DNAH12: variants seen among roughly 807,000 people sequenced by gnomAD.
The protein encoded by DNAH12 is dynein axonemal heavy chain 12.
Under a neutral mutation model 371.5 loss-of-function variants are expected in DNAH12, and 285 were observed. The ratio of observed to expected loss-of-function variants is 0.77; its 90% CI spans 0.70 to 0.85. The LOEUF is 0.85. Ranked by LOEUF, DNAH12 falls within the 40% of genes least tolerant of loss-of-function variation. The pLI is 0.00. For synonymous variants in DNAH12, 1,200 were observed against 1,213.0 expected (o/e 0.99, Z 0.22); for missense variants, 3,611 against 3,689.4 (o/e 0.98, Z 0.55).
chr3:57,314,487 A>G lies in DNAH12; in HGVS notation c.10662+7T>C, dbSNP rs1215281158. 6.4e-7 allele frequency: 1 copy of G among 1,550,912 alleles called. No homozygotes were observed. The highest frequency in any genetic ancestry group is 8.7e-7 in the Non-Finnish European group (1 of 1,146,786). ...CTTCATGAATGTTAATTTCTTGTTA[A>G]TTTTACCTGCAGTTGTCGGATACTG... On this transcript the variant is annotated splice_region_variant and intron_variant, in intron 66 of 73. Coordinates refer to ENST00000495027, the MANE Select transcript of DNAH12 (RefSeq NM_001366028.2).
At chr3:57,496,443 C>T (rs2067326384) in intron 11 of DNAH12, among the ~76,000 whole-genome samples, 1 of 151,800 alleles carries the variant, frequency 6.6e-6, no homozygotes, top group Non-Finnish European at 1.5e-5. Context: ...AAATATATGC[C>T]AAAAAATACT....
intron 71 of DNAH12, 40 bp from the exon 72 acceptor site, chr3:57,296,475 A>G (rs1357152680): frequency 2.1e-6 from 3 of 1,438,256 alleles, no homozygotes; most frequent in Middle Eastern, 1.7e-4. Context: ...TCCTCTCCAG[A>G]CAACTTCATC....
At chr3:57,389,822 G>GTGTATATA (rs1326306277) in intron 45 of DNAH12, among the ~76,000 whole-genome samples, 3 of 45,816 alleles carry the variant, frequency 6.5e-5, no homozygotes, top group Non-Finnish European at 2.1e-4. Flanking sequence ...GTGTGTGTGT[G>GTGTATATA]TATATATATA....
rs1378791588 is a variant in DNAH12 at position 57,431,258 on chromosome 3, T to TC, written c.4981-1485dup. ...CACTCAACAGTACTCAGTGATTCCC[T>TC]CCTCAATAGCTAAAGTCCTTGGGAC... is the stretch of plus-strand genomic sequence containing the variant. On this transcript the variant is annotated intron_variant, in intron 32 of 73. Transcript: ENST00000495027. Among the ~76,000 whole-genome samples, 32 of 152,190 alleles carry TC rather than the reference T, an allele frequency of 2.1e-4. 1 individual carries two copies. The highest frequency in any genetic ancestry group is 7.2e-4 in the African/African-American group (30 of 41,524).
rs376210458 is a variant in DNAH12, at chr3:57,403,604, G to C, written c.6756-103C>G. On this transcript the variant is annotated intron_variant, in intron 42 of 73. Coordinates refer to ENST00000495027, the MANE Select transcript of DNAH12 (RefSeq NM_001366028.2). ...TTTCCTAGAAGAATGTGACTCTGCT[G>C]TCCCATATGTTACTATCCCAATTTT... The C allele has an allele frequency of 6.2e-5, 68 of 1,095,390 alleles. No individual in the cohort carries two copies. In the East Asian group the frequency reaches 1.3e-3, roughly 21 times the overall value. 67.9% of individuals were successfully genotyped at this position (1,095,390 alleles called of 1,614,324 possible).
chr3:57,373,708 C>T (rs1400569323), intron 55 of DNAH12, among the ~76,000 whole-genome samples: 10 of 152,078 alleles, frequency 6.6e-5, no homozygotes, highest in African/African-American at 9.7e-5. Flanking sequence ...CAGAATTAAC[C>T]GACTCAAGGG....
chr3:57,413,652 C>T, intron 39 of DNAH12, 94 bp downstream of exon 39: 1 of 1,338,516 alleles, frequency 7.5e-7, no homozygotes. Context: ...ATTCTTTTCC[C>T]TAAATATCTT....
intron 65 of DNAH12, among the ~76,000 whole-genome samples, chr3:57,316,126 C>G (rs1345099624): frequency 7.4e-6 from 1 of 135,366 alleles, no homozygotes; most frequent in African/African-American, 3.0e-5. Flanking sequence ...AAAAATAACC[C>G]CTTCCCCTTT....
chr3:57,473,417 TG>T (rs957788785), intron 13 of DNAH12, among the ~76,000 whole-genome samples: 6 of 150,676 alleles, frequency 4.0e-5, no homozygotes, highest in African/African-American at 1.5e-4. Context: ...ACCCAGGAGG[TG>T]GAGGTTGCAG....
At chr3:57,423,832 G>C (rs2064670930) in intron 35 of DNAH12, among the ~76,000 whole-genome samples, 1 of 150,616 alleles carries the variant, frequency 6.6e-6, no homozygotes, top group Non-Finnish European at 1.5e-5. Context: ...ATTTTTTTTT[G>C]AGATGGAGCA....
At chr3:57,386,106 T>C (rs2063495303) in intron 47 of DNAH12, among the ~76,000 whole-genome samples, 1 of 152,144 alleles carries the variant, frequency 6.6e-6, no homozygotes, top group Non-Finnish European at 1.5e-5. Flanking sequence ...ACCACAAATC[T>C]TATATTTAAC....
At chr3:57,373,228 A>G (rs2063212281) in intron 55 of DNAH12, among the ~76,000 whole-genome samples, 1 of 152,060 alleles carries the variant, frequency 6.6e-6, no homozygotes, top group Non-Finnish European at 1.5e-5. Flanking sequence ...CCTAAGGTGA[A>G]TATTTGTCCC....
At chr3:57,360,699 CAACA>C (rs1423390672) in intron 58 of DNAH12, among the ~76,000 whole-genome samples, 45 of 152,086 alleles carry the variant, frequency 3.0e-4, no homozygotes, top group African/African-American at 1.1e-3. Flanking sequence ...ACAACAACAA[CAACA>C]ACAACAAGTC....
In DNAH12 at chr3:57,501,713, C is replaced by T. The variant is rs114489331; in HGVS notation, c.1244-301G>A. Among the ~76,000 whole-genome samples the T allele has an allele frequency of 7.0e-3, 1,068 of 152,244 alleles. 14 individuals are homozygous for T. The highest frequency in any genetic ancestry group is 0.024 in the African/African-American group (996 of 41,538). ...GAATGTCAAAGAATAACCATACATC[C>T]TGACCTCACACACACTTGAGAAGAC... On this transcript the variant is annotated intron_variant, in intron 10 of 73. Coordinates refer to ENST00000495027, the MANE Select transcript of DNAH12 (RefSeq NM_001366028.2).
chr3:57,421,534 T>C lies in DNAH12; in HGVS notation c.5546A>G (p.Tyr1849Cys). The C allele has an allele frequency of 1.3e-6, 2 of 1,551,646 alleles. No individual in the cohort carries two copies. The highest frequency in any genetic ancestry group is 1.4e-5 in the African/African-American group (1 of 73,158). The change falls in exon 36 of 74, where the codon TAT (tyrosine) becomes TGT (cysteine). Residue 1849 changes from tyrosine (Y) to cysteine (C), a missense_variant. Coordinates refer to ENST00000495027, the MANE Select transcript of DNAH12 (RefSeq NM_001366028.2). Reference sequence around the variant, plus strand: ...ATGTCATACCTCATACATGTAGTCATAGACCAGGCCTTTTTCATCAAATGG... The same window carrying C: ...ATGTCATACCTCATACATGTAGTCACAGACCAGGCCTTTTTCATCAAATGG... ...ECPFDEKGLV[Y>C]DYMYELKNKG...
chr3:57,296,668 G>A (rs557574638), intron 71 of DNAH12, among the ~76,000 whole-genome samples, 179 bp downstream of exon 71: 76 of 152,240 alleles, frequency 5.0e-4, no homozygotes, highest in Non-Finnish European at 7.6e-4. Context: ...GAAGAACAGC[G>A]TTGGATTATT....
rs141092153 is a variant in DNAH12, at chr3:57,459,095, A to C, written c.2931+497T>G. Among the ~76,000 whole-genome samples the C allele has an allele frequency of 5.9e-4, 90 of 152,312 alleles. 1 individual carries two copies. The East Asian group carries it at 0.015, about 25-fold the overall frequency. Reference sequence around the variant, plus strand: ...ATGGACTATGTTCACTGTGTGTATGAAAAATATATAGTCTGTCTTTCAACA... The same window carrying C: ...ATGGACTATGTTCACTGTGTGTATGCAAAATATATAGTCTGTCTTTCAACA... On this transcript the variant is annotated intron_variant, in intron 20 of 73. Transcript: ENST00000495027.
upstream of DNAH12, among the ~76,000 whole-genome samples, chr3:57,546,286 C>A (rs776531910): frequency 6.6e-6 from 1 of 152,118 alleles, no homozygotes; most frequent in Admixed American, 6.5e-5. Context: ...ATTAAACGTT[C>A]GTTCTAAACT....
rs138450319 is a variant in DNAH12 at position 57,347,410 on chromosome 3, A to G, written c.9674+4675T>C. Among the ~76,000 whole-genome samples, 441 of 152,312 alleles carry G rather than the reference A, an allele frequency of 2.9e-3. 2 individuals carry two copies. The highest frequency in any genetic ancestry group is 0.01 in the African/African-American group (417 of 41,560). ...GAAGTAAAACCATATGATCCTATCA[A>G]AAGATGTAGAAAAAACATTTGACAG... is the stretch of plus-strand genomic sequence containing the variant. On this transcript the variant is annotated intron_variant, in intron 60 of 73. Coordinates refer to ENST00000495027, the MANE Select transcript of DNAH12 (RefSeq NM_001366028.2).
Sources: gnomAD v4.1 joint callset for allele counts (sites outside exome capture counted in the v4.1 genomes callset) on GRCh38, gnomAD v4.1.1 for gene constraint, MANE v1.5 for transcripts, NCBI Gene and HGNC (gene_info 2026-07-23, HGNC 2026-07-21) for gene names.